HERC2: variants seen among roughly 807,000 people sequenced by gnomAD.
The protein encoded by HERC2 is E3 ubiquitin-protein ligase HERC2.
Under a neutral mutation model 537.7 loss-of-function variants are expected in HERC2, and 102 were observed. The observed-to-expected ratio is 0.19, with a 90% CI of 0.16 to 0.22. The LOEUF is 0.22. HERC2 is among the 10% of genes least tolerant of loss of function. HERC2 has a pLI of 1.00. For synonymous variants in HERC2, 2,224 were observed against 2,466.2 expected (o/e 0.90, Z 2.91); for missense variants, 4,236 against 6,198.2 (o/e 0.68, Z 10.63).
chr15:28,227,054 C>T (rs1901260157), intron 35 of HERC2, among the ~76,000 whole-genome samples: 2 of 152,340 alleles, frequency 1.3e-5, no homozygotes, highest in Middle Eastern at 3.4e-3. Flanking sequence ...GCAGGCAGAT[C>T]ACCTGAGGTC....
intron 14 of HERC2, among the ~76,000 whole-genome samples, chr15:28,264,466 C>T (rs1334759454): frequency 1.3e-5 from 2 of 152,146 alleles, no homozygotes; most frequent in African/African-American, 4.8e-5. Flanking sequence ...TCACATAGCC[C>T]ACCTGGCTAT....
intron 56 of HERC2, among the ~76,000 whole-genome samples, chr15:28,186,081 T>C (rs1422872766): frequency 6.6e-6 from 1 of 152,194 alleles, no homozygotes; most frequent in African/African-American, 2.4e-5. Flanking sequence ...ATTCTAGCGA[T>C]GGACAATAGT....
At chr15:28,161,468 T>C (rs1276808112) in intron 69 of HERC2, among the ~76,000 whole-genome samples, 2 of 152,234 alleles carry the variant, frequency 1.3e-5, no homozygotes, top group African/African-American at 4.8e-5. Flanking sequence ...GGGCAGAGCA[T>C]GGCTGCTGAT....
intron 5 of HERC2, among the ~76,000 whole-genome samples, chr15:28,278,085 A>G (rs1443043338): frequency 6.6e-6 from 1 of 151,702 alleles, no homozygotes; most frequent in Non-Finnish European, 1.5e-5. Context: ...GCAAAACCCA[A>G]TCTATACAAA....
chr15:28,182,770 G>A (rs12591531), intron 56 of HERC2, among the ~76,000 whole-genome samples: 16,076 of 152,102 alleles, frequency 0.11, 1,200 homozygotes, highest in East Asian at 0.29. Flanking sequence ...GGTGGAAAAC[G>A]ATGATACACC....
chr15:28,116,547 A>C, intron 88 of HERC2, 118 bp downstream of exon 88: 1 of 1,115,718 alleles, frequency 9.0e-7, no homozygotes, highest in Non-Finnish European at 1.3e-6. Flanking sequence ...TAACAGTCTC[A>C]AAAACTAAAA....
chr15:28,318,331 A>C (rs1391951144), intron 2 of HERC2, among the ~76,000 whole-genome samples: 1 of 152,150 alleles, frequency 6.6e-6, no homozygotes, highest in Admixed American at 6.5e-5. Context: ...CACCAAGCAG[A>C]AAAGTGTTGA....
At chr15:28,211,585 G>A (rs1899238650) in intron 43 of HERC2, among the ~76,000 whole-genome samples, 1 of 152,150 alleles carries the variant, frequency 6.6e-6, no homozygotes, top group Non-Finnish European at 1.5e-5. Context: ...AGAGGCCGCA[G>A]AAGCAGCACA....
intron 69 of HERC2, among the ~76,000 whole-genome samples, chr15:28,153,327 T>C (rs1000334844): frequency 2.0e-5 from 3 of 152,134 alleles, no homozygotes; most frequent in Non-Finnish European, 4.4e-5. Flanking sequence ...CACTCCAGCC[T>C]GGGTGACCCG....
rs756846638 is a variant in HERC2 at position 28,135,626 on chromosome 15, G to C, written c.12082C>G (p.Pro4028Ala). The C allele has an allele frequency of 6.2e-7, 1 of 1,614,072 alleles. No individual in the cohort carries two copies. Among genetic ancestry groups the C allele is most frequent in the East Asian group, 2.2e-5 (1 of 44,880 alleles). Reference protein sequence around the residue: ...GIGGTESVSTPTLLESIQHVF... With the variant: ...GIGGTESVSTATLLESIQHVF... Reference sequence around the variant, plus strand: ...TGCTGAATGGATTCAAGCAATGTTGGGGTGGACACCGACTCTGTCCCTCCA... The same window carrying C: ...TGCTGAATGGATTCAAGCAATGTTGCGGTGGACACCGACTCTGTCCCTCCA... The change falls in exon 79 of 93, where the codon CCA (proline) becomes GCA (alanine). Residue 4028 changes from proline to alanine, a missense_variant. Transcript: ENST00000261609.
intron 78 of HERC2, among the ~76,000 whole-genome samples, chr15:28,137,755 T>C (rs900613826): frequency 1.2e-4 from 19 of 152,198 alleles, no homozygotes; most frequent in African/African-American, 4.1e-4. Context: ...AACCCTACAG[T>C]GGCCTCTAAG....
At position 28,177,399 on chromosome 15, in the gene HERC2, A is replaced by G; in HGVS notation, c.9254+20T>C. On this transcript the variant is annotated intron_variant, in intron 60 of 92. Transcript: ENST00000261609. The surrounding 1 kb of genome is among the most constrained non-coding windows in gnomAD (Gnocchi z 5.0). ...AAACAGTTTCTTATTAGCAAATGAG[A>G]CTAAAAAAAGTACCCTTACATTCTG... The G allele has an allele frequency of 6.2e-7, 1 of 1,604,196 alleles. No individual in the cohort carries two copies. Among genetic ancestry groups the G allele is most frequent in the Non-Finnish European group, 8.5e-7 (1 of 1,170,962 alleles).
chr15:28,274,927 G>T lies in HERC2; in HGVS notation c.621C>A (p.Phe207Leu). ...SRAALSFAFA[F>L]LRRAWRSGED... ...TACCTGATCGCCAGGCCCTGCGCAG[G>T]AAGGCAAAGGCAAAAGACAGCGCCG... is the stretch of plus-strand genomic sequence containing the variant. Residue 207 changes from phenylalanine to leucine, a missense_variant, in exon 6 of 93, where the codon TTC (phenylalanine) becomes TTA (leucine). Physicochemically the swap from Phe to Leu is conservative, Grantham distance 22. This residue lies in a region of HERC2 where 491 missense variants were observed against 559.3 expected (regional missense o/e 0.88). Transcript: ENST00000261609. 1 of 1,611,604 alleles carries T rather than the reference G, an allele frequency of 6.2e-7. No individual in the cohort carries two copies.
chr15:28,225,711 A>G (rs1451686371), intron 35 of HERC2, among the ~76,000 whole-genome samples: 1 of 151,300 alleles, frequency 6.6e-6, no homozygotes, highest in Non-Finnish European at 1.5e-5. Context: ...AAAAAAAAAA[A>G]AAAAGAAAGA....
At chr15:28,285,898 T>C (rs1190613185) in intron 4 of HERC2, among the ~76,000 whole-genome samples, 1 of 150,074 alleles carries the variant, frequency 6.7e-6, no homozygotes, top group African/African-American at 2.5e-5. Context: ...TAGGAACAAC[T>C]CTACACATGT....
chr15:28,316,222 CAAAAAAAAAA>C (rs869089875), intron 2 of HERC2, among the ~76,000 whole-genome samples: 4 of 50,558 alleles, frequency 7.9e-5, no homozygotes, highest in South Asian at 1.1e-3. Flanking sequence ...GACTCTGTCT[CAAAAAAAAAA>C]AAAAAAAAAA....
intron 45 of HERC2, among the ~76,000 whole-genome samples, chr15:28,205,438 T>C (rs1407031456): frequency 1.5e-5 from 2 of 132,156 alleles, no homozygotes; most frequent in African/African-American, 3.2e-5. Context: ...CCTCCCTTCC[T>C]GCCCACACCC....
chr15:28,274,484 C>A, intron 6 of HERC2, 37 bp from the exon 7 acceptor site: 2 of 1,564,488 alleles, frequency 1.3e-6, no homozygotes, highest in Non-Finnish European at 1.7e-6. Context: ...CCCCCCCACT[C>A]CCCTCACTCT....
chr15:28,230,321 C>T (rs555266904), intron 31 of HERC2, 46 bp downstream of exon 31: 47 of 1,577,790 alleles, frequency 3.0e-5, no homozygotes, highest in Admixed American at 2.8e-4. Flanking sequence ...GTGCTACATG[C>T]TATGATTCTA....
Sources: allele counts gnomAD v4.1 joint callset (sites outside exome capture counted in the v4.1 genomes callset), GRCh38; gene constraint gnomAD v4.1.1; regional missense constraint gnomAD v4.1.1; non-coding constraint Gnocchi (gnomAD v3.1); transcripts MANE v1.5; gene names NCBI Gene and HGNC (gene_info 2026-07-23, HGNC 2026-07-21).